Variants in CCDC15 observed in about 807,000 individuals in gnomAD.
CCDC15 encodes coiled-coil domain containing 15.
A neutral mutation model predicts 114.5 loss-of-function variants in CCDC15; 105 were observed. The ratio of observed to expected loss-of-function variants is 0.92; its 90% CI spans 0.78 to 1.08. The LOEUF is 1.08. Ranked by LOEUF, CCDC15 falls within the 50% of genes least tolerant of loss-of-function variation. The probability of loss-of-function intolerance (pLI) is 0.00; values close to 1 mark genes in which losing one functional copy is unlikely to be tolerated. For synonymous variants in CCDC15, 334 were observed against 377.8 expected, an observed-to-expected ratio of 0.88 and a Z score of 1.34; for missense variants, 1,105 against 1,093.6, an observed-to-expected ratio of 1.01 and a Z score of -0.15.
At chr11:125,004,760 A>T (rs1043829447) in intron 12 of CCDC15, among the ~76,000 whole-genome samples, 4 of 152,042 alleles carry the variant, frequency 2.6e-5, no homozygotes, top group Non-Finnish European at 5.9e-5. Context: ...AGTTAAAGTA[A>T]CTATTGGTTC....
chr11:124,958,056 T>A (rs1947580421), intron 2 of CCDC15, among the ~76,000 whole-genome samples: 1 of 152,168 alleles, frequency 6.6e-6, no homozygotes, highest in Admixed American at 6.5e-5. Context: ...ATCTGTAACA[T>A]AAGGGATAAG....
At chr11:124,978,240 A>C (rs1035458330) in intron 6 of CCDC15, among the ~76,000 whole-genome samples, 1 of 152,108 alleles carries the variant, frequency 6.6e-6, no homozygotes, top group African/African-American at 2.4e-5. Flanking sequence ...TGTGTACCAC[A>C]TTTTCTTTAT....
chr11:124,987,138 C>CA lies in CCDC15; in HGVS notation c.917dup (p.Asn306LysfsTer18). ...ATGTTCACTTTTAGAAAGTAAAATT[C>CA]AAAAATCCATTATTTGTTCTGATGG... is the stretch of plus-strand genomic sequence containing the variant. On this transcript the variant is annotated frameshift_variant, in exon 8 of 16. Coordinates refer to ENST00000344762, the MANE Select transcript of CCDC15 (RefSeq NM_025004.3). LOFTEE classifies it high-confidence loss of function. The CA allele has an allele frequency of 6.6e-7, 1 of 1,506,166 alleles. No individual in the cohort carries two copies. The highest frequency in any genetic ancestry group is 1.4e-5 in the African/African-American group (1 of 71,516). The allele number at this position is 1,506,166 out of a possible 1,614,324, so 93.3% of individuals were successfully genotyped here. A position where few individuals can be genotyped will look rare whatever the true frequency, so the allele number is the denominator to read the frequency against.
At chr11:124,968,058 T>C (rs1017600160) in intron 4 of CCDC15, among the ~76,000 whole-genome samples, 2 of 152,048 alleles carry the variant, frequency 1.3e-5, no homozygotes, top group African/African-American at 4.8e-5. Context: ...CTGTGTGAGG[T>C]GTCAGTCGGT....
chr11:124,962,949 T>C (rs1330988851), intron 4 of CCDC15, among the ~76,000 whole-genome samples: 1 of 152,220 alleles, frequency 6.6e-6, no homozygotes, highest in Non-Finnish European at 1.5e-5. Flanking sequence ...GGTTTCCAGC[T>C]TCATCCATGT....
intron 13 of CCDC15, among the ~76,000 whole-genome samples, chr11:125,011,108 A>G (rs1439705710): frequency 6.6e-6 from 1 of 151,810 alleles, no homozygotes; most frequent in Non-Finnish European, 1.5e-5. Context: ...TTTCAATGCT[A>G]TTTCATCTTA....
chr11:125,027,545 A>G (rs575416684), intron 13 of CCDC15, among the ~76,000 whole-genome samples: 1 of 151,696 alleles, frequency 6.6e-6, no homozygotes, highest in African/African-American at 2.4e-5. Flanking sequence ...TTCTTTTGAG[A>G]ATTTCAAATT....
chr11:125,023,630 C>T (rs1487191892), intron 13 of CCDC15, among the ~76,000 whole-genome samples: 4 of 151,812 alleles, frequency 2.6e-5, no homozygotes, highest in Admixed American at 6.6e-5. Flanking sequence ...ATTTAAAAAA[C>T]GACAGATAAA....
At chr11:125,023,356 G>C (rs1246388522) in intron 13 of CCDC15, among the ~76,000 whole-genome samples, 1 of 151,972 alleles carries the variant, frequency 6.6e-6, no homozygotes, top group African/African-American at 2.4e-5. Context: ...AAAGTGAAAA[G>C]ACAGCTACAG....
intron 13 of CCDC15, among the ~76,000 whole-genome samples, chr11:125,024,749 T>G (rs1478401969): frequency 6.6e-6 from 1 of 151,972 alleles, no homozygotes; most frequent in African/African-American, 2.4e-5. Flanking sequence ...ACTTCTTTCT[T>G]TAAATCTGGA....
In CCDC15 at chr11:124,986,895, C is replaced by G. The variant is rs750345508; in HGVS notation, c.900+7C>G. 50 of 1,532,632 alleles carry G rather than the reference C, an allele frequency of 3.3e-5. No homozygotes were observed. The East Asian group carries it at 9.6e-4, about 30-fold the overall frequency. The allele number at this position is 1,532,632 out of a possible 1,614,324, so 94.9% of individuals were successfully genotyped here. Reference sequence around the variant, plus strand: ...ACCTTTCAGCAGAGTTCAGGTAAAGCAATAAGAGAAATTAAATTAATTGTG... The same window carrying G: ...ACCTTTCAGCAGAGTTCAGGTAAAGGAATAAGAGAAATTAAATTAATTGTG... On this transcript the variant is annotated splice_region_variant and intron_variant, in intron 7 of 15. Coordinates refer to ENST00000344762, the MANE Select transcript of CCDC15 (RefSeq NM_025004.3).
intron 13 of CCDC15, among the ~76,000 whole-genome samples, chr11:125,013,780 A>C (rs931619424): frequency 6.6e-6 from 1 of 152,210 alleles, no homozygotes; most frequent in Non-Finnish European, 1.5e-5. Context: ...ATTTATATGC[A>C]TGTGAAAATA....
At chr11:124,956,339 A>G (rs1272762934) in intron 2 of CCDC15, among the ~76,000 whole-genome samples, 1 of 152,110 alleles carries the variant, frequency 6.6e-6, no homozygotes, top group African/African-American at 2.4e-5. Flanking sequence ...ACAGCCTTGA[A>G]AAAGGATGAT....
At chr11:125,007,923 A>C (rs894368722) in intron 13 of CCDC15, among the ~76,000 whole-genome samples, 1 of 152,192 alleles carries the variant, frequency 6.6e-6, no homozygotes, top group Non-Finnish European at 1.5e-5. Flanking sequence ...TGCTGGCAAC[A>C]GTGGGTGTGG....
intron 14 of CCDC15, 37 bp from the exon 15 acceptor site, chr11:125,038,884 A>T: frequency 6.3e-7 from 1 of 1,587,606 alleles, no homozygotes; most frequent in South Asian, 1.1e-5. Flanking sequence ...TTTCTTTTTA[A>T]TAGTTCACTT....
chr11:124,956,467 A>C (rs1221040698), intron 2 of CCDC15, among the ~76,000 whole-genome samples: 1 of 152,006 alleles, frequency 6.6e-6, no homozygotes, highest in African/African-American at 2.4e-5. Flanking sequence ...GTGGAATGAG[A>C]AGGGATGAAT....
intron 13 of CCDC15, among the ~76,000 whole-genome samples, chr11:125,033,610 G>A (rs1362784361): frequency 1.3e-5 from 2 of 152,146 alleles, no homozygotes; most frequent in Non-Finnish European, 2.9e-5. Context: ...AAGGTCTAAA[G>A]TGACTAATCC....
chr11:124,993,165 T>A lies in CCDC15; in HGVS notation c.2140-4T>A, dbSNP rs1462974130. On this transcript the variant is annotated splice_polypyrimidine_tract_variant and splice_region_variant and intron_variant, in intron 10 of 15. Coordinates refer to ENST00000344762, the MANE Select transcript of CCDC15 (RefSeq NM_025004.3). ...ATCAGTTTTGTATTTTGTTGTTCCT[T>A]TAGAACAAGCATATCAAACTACCCT... 1 of 1,586,696 alleles carries A rather than the reference T, an allele frequency of 6.3e-7. No homozygotes were observed. The highest frequency in any genetic ancestry group is 2.2e-5 in the East Asian group (1 of 44,684).
chr11:125,035,632 G>T (rs1948770070), intron 13 of CCDC15, among the ~76,000 whole-genome samples: 2 of 151,710 alleles, frequency 1.3e-5, no homozygotes, highest in South Asian at 4.2e-4. Flanking sequence ...TTTTTTTTCT[G>T]GTTGTTTCAT....
Sources: gnomAD v4.1 joint callset for allele counts (sites outside exome capture counted in the v4.1 genomes callset) on GRCh38, gnomAD v4.1.1 for gene constraint, MANE v1.5 for transcripts, NCBI Gene and HGNC (gene_info 2026-07-23, HGNC 2026-07-21) for gene names.